KCNIP4: variants seen among roughly 807,000 people sequenced by gnomAD.
The protein encoded by KCNIP4 is potassium voltage-gated channel interacting protein 4, also known as Kv channel-interacting protein 4.
In KCNIP4, 12 loss-of-function variants were observed where a neutral mutation model predicts 34.0. The observed-to-expected ratio is 0.35, with a 90% confidence interval of 0.23 to 0.57. The LOEUF (loss-of-function observed/expected upper bound fraction) is 0.57, where lower values mean the gene tolerates loss of function less well. Among genes scored for constraint, KCNIP4 ranks in the 20% least tolerant of loss-of-function variants. The pLI is 0.83. For missense variants in KCNIP4, 238 were observed against 311.7 expected (o/e 0.76, Z 1.78); for synonymous variants, 124 against 102.2 (o/e 1.21, Z -1.29).
intron 1 of KCNIP4, among the ~76,000 whole-genome samples, chr4:21,834,299 G>A (rs1212817300): frequency 6.6e-6 from 1 of 152,096 alleles, no homozygotes; most frequent in Admixed American, 6.5e-5. Context: ...CCTTGAAGAG[G>A]TCCTTCACAT....
chr4:21,545,719 C>T (rs2109006925), intron 1 of KCNIP4, among the ~76,000 whole-genome samples: 1 of 152,174 alleles, frequency 6.6e-6, no homozygotes, highest in Non-Finnish European at 1.5e-5. Flanking sequence ...TGAACTCATC[C>T]TTTTTTATGG....
At position 21,242,880 on chromosome 4, in the gene KCNIP4, CTGTGTGTGTG is replaced by C. The variant is rs56347755; in HGVS notation, c.62-360181_62-360172del. The stretch of plus-strand genomic sequence containing the variant: ...CTCTTTCTCACACATGTGTGTGTAT[CTGTGTGTGTG>C]TGTGTGTGTGTGTGTGTGTGTGTGT... On this transcript the variant is annotated intron_variant, in intron 1 of 8. Transcript: ENST00000382152. Among the ~76,000 whole-genome samples, 1,183 of 149,270 alleles carry C rather than the reference CTGTGTGTGTG, an allele frequency of 7.9e-3. 18 individuals carry two copies. Among genetic ancestry groups the C allele is most frequent in the African/African-American group, 0.024 (972 of 40,860 alleles).
At chr4:21,278,564 T>C (rs1468407551) in intron 1 of KCNIP4, among the ~76,000 whole-genome samples, 2 of 152,136 alleles carry the variant, frequency 1.3e-5, no homozygotes, top group Non-Finnish European at 2.9e-5. Flanking sequence ...ATGATGTATA[T>C]GTAAAATAGC....
intron 1 of KCNIP4, among the ~76,000 whole-genome samples, chr4:21,087,143 GTAA>G (rs1284380170): frequency 5.9e-5 from 4 of 68,312 alleles, no homozygotes; most frequent in African/African-American, 2.4e-4. Flanking sequence ...CCACTGCTGG[GTAA>G]TGTGTGTGTG....
At chr4:20,861,722 G>A (rs1722215207) in intron 2 of KCNIP4, among the ~76,000 whole-genome samples, 1 of 152,000 alleles carries the variant, frequency 6.6e-6, no homozygotes, top group Non-Finnish European at 1.5e-5. Flanking sequence ...TCCATTCTAG[G>A]AGAATGAGAA....
intron 3 of KCNIP4, among the ~76,000 whole-genome samples, chr4:20,788,368 T>C (rs1056312312): frequency 1.3e-5 from 2 of 152,170 alleles, no homozygotes; most frequent in Admixed American, 6.6e-5. Context: ...GTTGCTATTT[T>C]TCTATTTAAT....
chr4:21,328,789 G>A (rs1288622548), intron 1 of KCNIP4, among the ~76,000 whole-genome samples: 7 of 152,196 alleles, frequency 4.6e-5, no homozygotes, highest in African/African-American at 1.7e-4. Context: ...TGGCACTCAA[G>A]CCACAAAACA....
intron 1 of KCNIP4, among the ~76,000 whole-genome samples, chr4:21,012,494 G>A (rs1203684750): frequency 2.6e-5 from 4 of 152,184 alleles, no homozygotes; most frequent in Admixed American, 6.5e-5. Context: ...TTGAGCCTAG[G>A]AGGTCAAAGT....
intron 1 of KCNIP4, among the ~76,000 whole-genome samples, chr4:21,048,883 T>A (rs960555285): frequency 2.0e-5 from 3 of 150,482 alleles, no homozygotes; most frequent in Non-Finnish European, 4.4e-5. Flanking sequence ...GGATGCTGCA[T>A]GGAGAGAGAG....
intron 1 of KCNIP4, among the ~76,000 whole-genome samples, chr4:21,897,045 C>G (rs1560795577): frequency 6.6e-6 from 1 of 151,830 alleles, no homozygotes; most frequent in Non-Finnish European, 1.5e-5. Flanking sequence ...GATGTTGCCC[C>G]TCTCTCTTGC....
chr4:21,198,909 T>C (rs1756262592), intron 1 of KCNIP4, among the ~76,000 whole-genome samples: 1 of 152,126 alleles, frequency 6.6e-6, no homozygotes, highest in African/African-American at 2.4e-5. Flanking sequence ...TTTCTCTATC[T>C]GAGGAGTAAA....
intron 1 of KCNIP4, among the ~76,000 whole-genome samples, chr4:21,813,153 C>G (rs950182115): frequency 6.6e-6 from 1 of 152,078 alleles, no homozygotes; most frequent in East Asian, 1.9e-4. Flanking sequence ...AAAATAAGTC[C>G]CTTTCATTTA....
intron 1 of KCNIP4, among the ~76,000 whole-genome samples, chr4:21,620,992 C>T (rs915532390): frequency 6.6e-6 from 1 of 152,148 alleles, no homozygotes; most frequent in Non-Finnish European, 1.5e-5. Flanking sequence ...AACAACCTTC[C>T]TACTTTTTCT....
intron 1 of KCNIP4, among the ~76,000 whole-genome samples, chr4:20,906,483 A>G (rs1727785955): frequency 6.6e-6 from 1 of 152,204 alleles, no homozygotes; most frequent in African/African-American, 2.4e-5. Flanking sequence ...CGTTTCTGCC[A>G]TGTCTGCCTT....
At chr4:21,062,437 T>C (rs1387409189) in intron 1 of KCNIP4, among the ~76,000 whole-genome samples, 1 of 152,070 alleles carries the variant, frequency 6.6e-6, no homozygotes, top group African/African-American at 2.4e-5. Flanking sequence ...TGAGGTCAGA[T>C]TGGATTAGGA....
intron 1 of KCNIP4, among the ~76,000 whole-genome samples, chr4:21,152,084 C>G (rs920307827): frequency 6.6e-6 from 1 of 152,088 alleles, no homozygotes; most frequent in Non-Finnish European, 1.5e-5. Flanking sequence ...GAAAACTTGT[C>G]TCTACTAAAA....
At chr4:21,510,672 G>A (rs1734237589) in intron 1 of KCNIP4, among the ~76,000 whole-genome samples, 1 of 151,978 alleles carries the variant, frequency 6.6e-6, no homozygotes, top group Non-Finnish European at 1.5e-5. Context: ...CTAAAATAAA[G>A]CTAATATGTT....
At chr4:20,746,300 C>T (rs143968931) in intron 5 of KCNIP4, among the ~76,000 whole-genome samples, 2,466 of 152,078 alleles carry the variant, frequency 0.016, 29 homozygotes, top group Non-Finnish European at 0.027. Flanking sequence ...CATGTTCTCA[C>T]TCATAGCTGG....
At chr4:21,228,520 C>A (rs1758565310) in intron 1 of KCNIP4, among the ~76,000 whole-genome samples, 2 of 152,256 alleles carry the variant, frequency 1.3e-5, no homozygotes, top group South Asian at 4.1e-4. Flanking sequence ...GTCAACCACT[C>A]AAGGCAGCAC....
Sources: allele counts gnomAD v4.1 joint callset (sites outside exome capture counted in the v4.1 genomes callset), GRCh38; gene constraint gnomAD v4.1.1; transcripts MANE v1.5; gene names NCBI Gene and HGNC (gene_info 2026-07-23, HGNC 2026-07-21).